The following TMPRSS12 variants were observed in gnomAD, a reference collection of about 807,000 sequenced individuals.
TMPRSS12 encodes the protein transmembrane protease serine 12.
A neutral mutation model predicts 26.0 loss-of-function variants in TMPRSS12; 25 were observed. The observed-to-expected ratio is 0.96, with a 90% CI of 0.70 to 1.34. The LOEUF (loss-of-function observed/expected upper bound fraction) is 1.34, where lower values mean the gene tolerates loss of function less well. Ranked by LOEUF, TMPRSS12 falls within the 40% of genes most tolerant of loss-of-function variation. The probability of loss-of-function intolerance (pLI) is 0.00; values close to 1 mark genes in which losing one functional copy is unlikely to be tolerated. For missense variants in TMPRSS12, 441 were observed against 440.1 expected (o/e 1.00, Z -0.02); for synonymous variants, 150 against 161.7 (o/e 0.93, Z 0.55).
chr12:50,854,834 A>G (rs1265608251), intron 2 of TMPRSS12, among the ~76,000 whole-genome samples: 1 of 152,224 alleles, frequency 6.6e-6, no homozygotes, highest in Non-Finnish European at 1.5e-5. Flanking sequence ...AAATGGAGAA[A>G]CATTCCATGC....
chr12:50,866,220 G>A (rs1341628980), intron 3 of TMPRSS12, among the ~76,000 whole-genome samples: 1 of 152,132 alleles, frequency 6.6e-6, no homozygotes, highest in African/African-American at 2.4e-5. Context: ...AATACTCTGG[G>A]AGGTGGGTAG....
At chr12:50,878,904 T>C (rs1938138372) in intron 3 of TMPRSS12, among the ~76,000 whole-genome samples, 1 of 152,232 alleles carries the variant, frequency 6.6e-6, no homozygotes, top group Non-Finnish European at 1.5e-5. Flanking sequence ...AGAGCTCTCA[T>C]CAGCGAGATT....
chr12:50,859,090 C>A, intron 3 of TMPRSS12, 37 bp downstream of exon 3: 1 of 1,512,332 alleles, frequency 6.6e-7, no homozygotes. Context: ...ACACATTTTC[C>A]TGATTATGGG....
chr12:50,861,485 A>G (rs1353268409), intron 3 of TMPRSS12, among the ~76,000 whole-genome samples: 1 of 150,554 alleles, frequency 6.6e-6, no homozygotes, highest in Non-Finnish European at 1.5e-5. Flanking sequence ...CACGGACTTA[A>G]TTCTGAATCC....
intron 2 of TMPRSS12, 54 bp downstream of exon 2, chr12:50,844,091 A>C: frequency 1.4e-6 from 2 of 1,426,604 alleles, no homozygotes; most frequent in Non-Finnish European, 1.8e-6. Context: ...TTTTGAAGTG[A>C]TAGAGGACCA....
chr12:50,865,962 A>T (rs140827271), intron 3 of TMPRSS12, among the ~76,000 whole-genome samples: 465 of 152,312 alleles, frequency 3.1e-3, no homozygotes, highest in Middle Eastern at 0.024. Context: ...GATGGGAGGC[A>T]GAACTAGATT....
chr12:50,865,513 C>T (rs1937982859), intron 3 of TMPRSS12, among the ~76,000 whole-genome samples: 1 of 151,864 alleles, frequency 6.6e-6, no homozygotes, highest in South Asian at 2.1e-4. Context: ...TAATATACAT[C>T]TAATGTGAGT....
At chr12:50,881,864 G>T (rs1938166484) in intron 3 of TMPRSS12, among the ~76,000 whole-genome samples, 1 of 147,608 alleles carries the variant, frequency 6.8e-6, no homozygotes, top group South Asian at 2.1e-4. Flanking sequence ...CCAGCTACTT[G>T]GGAGGCTGGG....
chr12:50,880,738 A>T (rs546497468), intron 3 of TMPRSS12, among the ~76,000 whole-genome samples: 1 of 152,138 alleles, frequency 6.6e-6, no homozygotes, highest in Non-Finnish European at 1.5e-5. Flanking sequence ...GAAACAATTC[A>T]AAGTCCACCA....
intron 2 of TMPRSS12, 55 bp downstream of exon 2, chr12:50,844,092 T>C: frequency 1.4e-6 from 2 of 1,423,262 alleles, no homozygotes; most frequent in South Asian, 1.5e-5. Flanking sequence ...TTTGAAGTGA[T>C]AGAGGACCAT....
At chr12:50,851,135 C>G (rs1198640859) in intron 2 of TMPRSS12, among the ~76,000 whole-genome samples, 1 of 152,148 alleles carries the variant, frequency 6.6e-6, no homozygotes, top group Non-Finnish European at 1.5e-5. Flanking sequence ...CCCTGGCAAC[C>G]CAAAAAGCCA....
At position 50,844,024 on chromosome 12, in the gene TMPRSS12, A is replaced by G; in HGVS notation, c.370A>G (p.Thr124Ala). 2 of 1,582,488 alleles carry G rather than the reference A, an allele frequency of 1.3e-6. No individual in the cohort carries two copies. Among genetic ancestry groups the G allele is most frequent in the Non-Finnish European group, 8.6e-7 (1 of 1,166,688 alleles). ...GTGGGTCCTCACAGCTGCCCACTGC[A>G]CTAAAGACGCTAGGTACGTATTCAG... ...ERWVLTAAHC[T>A]KDASDPLMWT... Residue 124 changes from threonine (T) to alanine (A), a missense_variant, in exon 2 of 5, where the codon ACT becomes GCT. Coordinates refer to ENST00000398458, the MANE Select transcript of TMPRSS12 (RefSeq NM_182559.3).
chr12:50,883,926 C>G (rs1354659152), intron 3 of TMPRSS12, among the ~76,000 whole-genome samples: 1 of 152,072 alleles, frequency 6.6e-6, no homozygotes, highest in Non-Finnish European at 1.5e-5. Flanking sequence ...TGCTTGAGCC[C>G]AGGAGTTTGA....
intron 3 of TMPRSS12, among the ~76,000 whole-genome samples, chr12:50,869,077 T>C (rs1049087445): frequency 4.0e-5 from 6 of 150,836 alleles, no homozygotes; most frequent in Non-Finnish European, 7.4e-5. Context: ...TCTAAGGTTA[T>C]ACTTCAAGGA....
At chr12:50,849,405 C>T (rs188975177) in intron 2 of TMPRSS12, among the ~76,000 whole-genome samples, 15 of 152,270 alleles carry the variant, frequency 9.9e-5, no homozygotes, top group Admixed American at 5.2e-4. Context: ...AATTTACATG[C>T]AGTAAAATTC....
At position 50,843,989 on chromosome 12, in the gene TMPRSS12, TGAGA is replaced by T; in HGVS notation, c.341_344del (p.Glu114GlyfsTer17). The T allele has an allele frequency of 6.2e-7, 1 of 1,606,284 alleles. No homozygotes were observed. Among genetic ancestry groups the T allele is most frequent in the Non-Finnish European group, 8.5e-7 (1 of 1,176,500 alleles). ...GTTCATGTATGTGGGGGAACCCTAG[TGAGA>T]GAGAGGTGGGTCCTCACAGCTGCCC... On this transcript the variant is annotated frameshift_variant, in exon 2 of 5. Transcript: ENST00000398458. LOFTEE classifies it high-confidence loss of function.
At chr12:50,885,817 G>T in intron 4 of TMPRSS12, 1 of 301,922 alleles carries the variant, frequency 3.3e-6, no homozygotes, top group Non-Finnish European at 6.0e-6. Flanking sequence ...CACTATGCCC[G>T]GCCATTCTTT....
intron 3 of TMPRSS12, among the ~76,000 whole-genome samples, chr12:50,882,286 T>TCTA (rs1938182852): frequency 1.7e-5 from 1 of 58,506 alleles, no homozygotes; most frequent in African/African-American, 7.2e-5. Flanking sequence ...CCCATCTCTC[T>TCTA]AAAAAAAAAA....
intron 3 of TMPRSS12, among the ~76,000 whole-genome samples, chr12:50,873,538 A>C (rs1200329194): frequency 6.6e-6 from 1 of 152,200 alleles, no homozygotes; most frequent in Non-Finnish European, 1.5e-5. Flanking sequence ...TGATGCTAAA[A>C]GGGAAGTATA....
Sources: gnomAD v4.1 joint callset for allele counts (sites outside exome capture counted in the v4.1 genomes callset) on GRCh38, gnomAD v4.1.1 for gene constraint, MANE v1.5 for transcripts, NCBI Gene and HGNC (gene_info 2026-07-23, HGNC 2026-07-21) for gene names.